SEC24A: variants seen among roughly 807,000 people sequenced by gnomAD.
SEC24A encodes protein transport protein Sec24A.
Under a neutral mutation model 129.4 loss-of-function variants are expected in SEC24A, and 93 were observed. The observed-to-expected ratio is 0.72, with a 90% CI of 0.61 to 0.85. The LOEUF (loss-of-function observed/expected upper bound fraction) is 0.85, where lower values mean the gene tolerates loss of function less well. SEC24A is among the 40% of genes least tolerant of loss of function. The pLI is 0.00. For synonymous variants in SEC24A, 460 were observed against 467.3 expected, an observed-to-expected ratio of 0.98 and a Z score of 0.20; for missense variants, 1,264 against 1,307.4, an observed-to-expected ratio of 0.97 and a Z score of 0.51.
intron 15 of SEC24A, among the ~76,000 whole-genome samples, chr5:134,699,301 C>CTTTTTTTTTTTTTTTTTTTTT (rs1208203003): frequency 2.9e-5 from 4 of 138,374 alleles, no homozygotes; most frequent in African/African-American, 1.1e-4. Context: ...CCATTTTATC[C>CTTTTTTTTTTTTTTTTTTTTT]TTTTTTTTTT....
chr5:134,707,551 G>T (rs1481007369), intron 17 of SEC24A, among the ~76,000 whole-genome samples: 2 of 151,464 alleles, frequency 1.3e-5, no homozygotes, highest in South Asian at 4.2e-4. Flanking sequence ...GGGTGGTCTC[G>T]ATCTCCTGAC....
rs149423877 is a variant in SEC24A, at chr5:134,710,610, A to G, written c.2727+1722A>G. On this transcript the variant is annotated intron_variant, in intron 18 of 22. Transcript: ENST00000398844. ...TCCATGATCTGGATTGGACTTCCATATCCTTGTCTTTGAGTTTAAATGTTT... is the reference window on the plus strand; with the variant it reads ...TCCATGATCTGGATTGGACTTCCATGTCCTTGTCTTTGAGTTTAAATGTTT... 8.8e-3 allele frequency among the ~76,000 whole-genome samples: 1,342 copies of G among 152,062 alleles called. 35 individuals are homozygous for G. The highest frequency in any genetic ancestry group is 0.05 in the Admixed American group (767 of 15,244).
chr5:134,697,252 T>A lies in SEC24A; in HGVS notation c.2107+6T>A, dbSNP rs1751857058. ...TTCTGATTTGGCTTCTCTGGGTAAG[T>A]TCTTCGTAATGATTTTTTTTTTCCG... On this transcript the variant is annotated splice_donor_region_variant and intron_variant, in intron 14 of 22. Coordinates refer to ENST00000398844, the MANE Select transcript of SEC24A (RefSeq NM_021982.3). 1 of 1,589,378 alleles carries A rather than the reference T, an allele frequency of 6.3e-7. No homozygotes were observed. Among genetic ancestry groups the A allele is most frequent in the East Asian group, 2.2e-5 (1 of 44,450 alleles).
At chr5:134,688,551 C>CT (rs199887979) in intron 11 of SEC24A, among the ~76,000 whole-genome samples, 1 of 152,018 alleles carries the variant, frequency 6.6e-6, no homozygotes, top group South Asian at 2.1e-4. Context: ...CAAATTTAGG[C>CT]TTTTTTTCCC....
Position 134,697,115 on chromosome 5 carries a change from A to T in SEC24A, c.1987-11A>T. The T allele has an allele frequency of 1.4e-6, 2 of 1,407,352 alleles. No homozygotes were observed. The highest frequency in any genetic ancestry group is 2.8e-5 in the South Asian group (2 of 72,252). The allele number at this position is 1,407,352 out of a possible 1,614,324, so 87.2% of individuals were successfully genotyped here. Reference sequence around the variant, plus strand: ...TTTTTAAAATGTCTCTTTATAATTTATTATAAATAGGATATACACATGACA... The same window carrying T: ...TTTTTAAAATGTCTCTTTATAATTTTTTATAAATAGGATATACACATGACA... On this transcript the variant is annotated splice_polypyrimidine_tract_variant and intron_variant, in intron 13 of 22. Transcript: ENST00000398844.
chr5:134,718,095 C>T lies in SEC24A; in HGVS notation c.2892C>T (p.Thr964=), dbSNP rs374218346. The T allele has an allele frequency of 1.4e-5, 23 of 1,613,918 alleles. No individual in the cohort carries two copies. Among genetic ancestry groups the T allele is most frequent in the East Asian group, 2.2e-5 (1 of 44,896 alleles). Residue 964 remains threonine (T), a synonymous_variant, in exon 20 of 23, where the codon ACC becomes ACT. Coordinates refer to ENST00000398844, the MANE Select transcript of SEC24A (RefSeq NM_021982.3). ...DEGALNISDR[T]IPQPPILQLS... ...GAGCACTCAACATCAGTGATAGAAC[C>T]ATACCTCAGCCCCCCATTCTTCAGC...
intron 3 of SEC24A, among the ~76,000 whole-genome samples, chr5:134,668,433 A>G (rs1175057821): frequency 6.6e-6 from 1 of 152,148 alleles, no homozygotes; most frequent in Non-Finnish European, 1.5e-5. Context: ...TACTAAAAAT[A>G]CAGAAATTAA....
chr5:134,708,683 C>T, intron 17 of SEC24A, 30 bp from the exon 18 acceptor site: 2 of 1,582,960 alleles, frequency 1.3e-6, no homozygotes, highest in Non-Finnish European at 1.7e-6. Context: ...TATCATATTT[C>T]TTTTTTGTCC....
chr5:134,692,864 G>A (rs1028505777), intron 12 of SEC24A: 11 of 711,808 alleles, frequency 1.5e-5, no homozygotes, highest in Admixed American at 1.4e-4. Flanking sequence ...GTTATTTGTA[G>A]TAGGGTAGAA....
intron 6 of SEC24A, 28 bp downstream of exon 6, chr5:134,675,245 T>G: frequency 6.4e-7 from 1 of 1,572,422 alleles, no homozygotes; most frequent in South Asian, 1.1e-5. Flanking sequence ...ACATTATGCA[T>G]GTCCGAAAAG....
chr5:134,685,478 A>C (rs950559545), intron 9 of SEC24A, among the ~76,000 whole-genome samples: 3 of 152,202 alleles, frequency 2.0e-5, no homozygotes, highest in African/African-American at 7.2e-5. Context: ...TTTAAAGTAT[A>C]CAAAAGGATG....
chr5:134,671,763 T>C (rs1057156172), intron 3 of SEC24A, 46 bp from the exon 4 acceptor site: 5 of 1,150,494 alleles, frequency 4.3e-6, no homozygotes, highest in Admixed American at 2.2e-5. Flanking sequence ...ACAGAGATTG[T>C]AATAATCATT....
At chr5:134,681,396 A>G (rs1464046714) in intron 8 of SEC24A, among the ~76,000 whole-genome samples, 2 of 151,908 alleles carry the variant, frequency 1.3e-5, no homozygotes, top group Non-Finnish European at 2.9e-5. Context: ...GCAAAACTCC[A>G]TCTCAAACAA....
At position 134,682,325 on chromosome 5, in the gene SEC24A, T is replaced by G. The variant is rs754137988; in HGVS notation, c.1382-48T>G. 3.2e-5 allele frequency: 31 copies of G among 984,056 alleles called. 1 individual carries two copies. The South Asian group carries it at 4.2e-4, about 13-fold the overall frequency. 61.0% of individuals were successfully genotyped at this position (984,056 alleles called of 1,614,324 possible). ...GAAAGTGGCCAAATGCAAAATACATTAAATTCTTTTCAGTTTTTTCAATAT... is the reference window on the plus strand; with the variant it reads ...GAAAGTGGCCAAATGCAAAATACATGAAATTCTTTTCAGTTTTTTCAATAT... On this transcript the variant is annotated intron_variant, in intron 8 of 22. Coordinates refer to ENST00000398844, the MANE Select transcript of SEC24A (RefSeq NM_021982.3).
intron 1 of SEC24A, among the ~76,000 whole-genome samples, chr5:134,651,426 C>G (rs1750045490): frequency 6.6e-6 from 1 of 150,966 alleles, no homozygotes; most frequent in African/African-American, 2.4e-5. Context: ...TCCCGAGTAG[C>G]TGGGATTACA....
intron 1 of SEC24A, among the ~76,000 whole-genome samples, chr5:134,652,779 GTTTGT>G (rs917113138): frequency 6.6e-6 from 1 of 151,652 alleles, no homozygotes; most frequent in African/African-American, 2.4e-5. Flanking sequence ...TATTTTGTTT[GTTTGT>G]TTTGTTTTGT....
intron 18 of SEC24A, among the ~76,000 whole-genome samples, chr5:134,709,889 A>G (rs140281904): frequency 2.4e-3 from 367 of 152,052 alleles, no homozygotes; most frequent in African/African-American, 8.4e-3. Flanking sequence ...ACAGAATTTC[A>G]GCAACATTAC....
chr5:134,659,408 G>T (rs994642730), intron 1 of SEC24A, among the ~76,000 whole-genome samples: 4 of 151,938 alleles, frequency 2.6e-5, no homozygotes, highest in African/African-American at 9.7e-5. Context: ...ACTTAGTAAT[G>T]ACTTCAGAAT....
intron 18 of SEC24A, among the ~76,000 whole-genome samples, chr5:134,710,182 A>G (rs974444198): frequency 1.3e-5 from 2 of 149,050 alleles, no homozygotes; most frequent in Non-Finnish European, 3.0e-5. Flanking sequence ...TACAGGCATG[A>G]GCTACCACAT....
Sources: allele counts gnomAD v4.1 joint callset (sites outside exome capture counted in the v4.1 genomes callset), GRCh38; gene constraint gnomAD v4.1.1; transcripts MANE v1.5; gene names NCBI Gene and HGNC (gene_info 2026-07-23, HGNC 2026-07-21).